The following F8 variants were observed in gnomAD, a reference collection of about 807,000 sequenced individuals.
F8 encodes the protein coagulation factor VIII.
A neutral mutation model predicts 140.6 loss-of-function variants in F8; 12 were observed. The observed-to-expected ratio is 0.09, with a 90% confidence interval of 0.05 to 0.14. The LOEUF (loss-of-function observed/expected upper bound fraction) is 0.14. Ranked by LOEUF, F8 falls within the 10% of genes least tolerant of loss-of-function variation. F8 has a pLI of 1.00. For missense variants in F8, 1,354 were observed against 1,720.7 expected (o/e 0.79, Z 3.77); for synonymous variants, 585 against 614.6 (o/e 0.95, Z 0.71).
intron 13 of F8, among the ~76,000 whole-genome samples, chrX:154,941,686 T>C (rs1402504563): frequency 9.1e-6 from 1 of 109,572 alleles, no homozygotes; most frequent in East Asian, 2.8e-4. Flanking sequence ...TCCACAGAAC[T>C]CTCCACCCCA....
intron 1 of F8, among the ~76,000 whole-genome samples, chrX:155,020,551 A>G (rs1383953736): frequency 2.7e-5 from 3 of 110,413 alleles, no homozygotes; most frequent in Non-Finnish European, 5.6e-5. Flanking sequence ...GGTAAAAGTT[A>G]TAAGAAAGTC....
chrX:154,901,982 C>T, intron 19 of F8, 69 bp downstream of exon 19: 3 of 704,766 alleles, frequency 4.3e-6, no homozygotes, highest in South Asian at 4.3e-5. Flanking sequence ...GCAACCATTC[C>T]AGAAAGGAAG....
intron 6 of F8, among the ~76,000 whole-genome samples, chrX:154,978,351 C>T (rs1213197974): frequency 9.0e-6 from 1 of 111,177 alleles, no homozygotes; most frequent in Non-Finnish European, 1.9e-5. Flanking sequence ...TTTGTGGATA[C>T]ATAGTAGGTG....
At position 154,905,002 on chromosome X, in the gene F8, A is replaced by G; in HGVS notation, c.5395T>C (p.Ser1799Pro). The change falls in exon 16 of 26, where the codon TCT becomes CCT. Residue 1799 changes from serine to proline, a missense_variant. By Grantham distance (74) the Ser-to-Pro change is moderately conservative. Transcript: ENST00000360256. Reference sequence around the variant, plus strand: ...CTAGAATAGAAGGAATAGGGACGAGAGGCCTGATTTCTGAAAGTTACCTGT... The same window carrying G: ...CTAGAATAGAAGGAATAGGGACGAGGGGCCTGATTTCTGAAAGTTACCTGT... Reference protein sequence around the residue: ...NIMVTFRNQASRPYSFYSSLI... With the variant: ...NIMVTFRNQAPRPYSFYSSLI... 1 of 1,203,567 alleles carries G rather than the reference A, an allele frequency of 8.3e-7. No individual in the cohort carries two copies. The highest frequency in any genetic ancestry group is 1.1e-6 in the Non-Finnish European group (1 of 888,707).
intron 14 of F8, among the ~76,000 whole-genome samples, chrX:154,921,629 C>T (rs1232195037): frequency 9.0e-6 from 1 of 111,586 alleles, no homozygotes; most frequent in Non-Finnish European, 1.9e-5. Context: ...GGAACCAACC[C>T]AAATGTCCAT....
chrX:155,022,395 A>G lies in F8; in HGVS notation c.143+15T>C, dbSNP rs1557287570. On this transcript the variant is annotated intron_variant, in intron 1 of 25. Coordinates refer to ENST00000360256, the MANE Select transcript of F8 (RefSeq NM_000132.4). ...AATCCTGGCCCCGATCAGACCCTAC[A>G]GGACATGCCTTTACCTTGCGTCCAC... The G allele has an allele frequency of 8.3e-6, 10 of 1,206,728 alleles. No individual in the cohort carries two copies. The African/African-American group carries it at 1.8e-4, about 21-fold the overall frequency.
At chrX:154,896,871 T>C (rs1469877443) in intron 21 of F8, among the ~76,000 whole-genome samples, 1 of 112,339 alleles carries the variant, frequency 8.9e-6, no homozygotes, top group African/African-American at 3.2e-5. Flanking sequence ...CTTTCCTTAT[T>C]AGACTGAGAT....
chrX:154,944,432 C>T (rs2073290563), intron 13 of F8, among the ~76,000 whole-genome samples: 1 of 111,664 alleles, frequency 9.0e-6, no homozygotes, highest in Middle Eastern at 4.2e-3. Context: ...CTCACCATCA[C>T]TGGCCATCAG....
intron 14 of F8, among the ~76,000 whole-genome samples, chrX:154,923,929 G>A (rs782240162): frequency 1.9e-4 from 21 of 111,205 alleles, no homozygotes; most frequent in Non-Finnish European, 3.6e-4. Flanking sequence ...CCAAGATCAC[G>A]CCACTGACTC....
At chrX:154,998,250 A>T (rs1263637135) in intron 2 of F8, among the ~76,000 whole-genome samples, 1 of 112,740 alleles carries the variant, frequency 8.9e-6, no homozygotes, top group Non-Finnish European at 1.9e-5. Context: ...CTCCAGCTAC[A>T]TTCTGACAGC....
chrX:154,894,107 T>A (rs1202202264), intron 22 of F8, among the ~76,000 whole-genome samples: 1 of 111,598 alleles, frequency 9.0e-6, no homozygotes. Flanking sequence ...AGCCCCCAGG[T>A]TGAGTTGTCC....
intron 13 of F8, among the ~76,000 whole-genome samples, chrX:154,942,032 T>C (rs1461362114): frequency 9.7e-6 from 1 of 103,279 alleles, no homozygotes; most frequent in Admixed American, 1.1e-4. Flanking sequence ...TAGATGGAAA[T>C]TTATAGCACT....
At chrX:154,975,576 A>G (rs2073480793) in intron 6 of F8, among the ~76,000 whole-genome samples, 1 of 112,133 alleles carries the variant, frequency 8.9e-6, no homozygotes, top group Non-Finnish European at 1.9e-5. Context: ...TGTTTGCTCT[A>G]TTTGGTCTAC....
Position 154,969,597 on chromosome X carries a change from C to G in F8, c.788-45G>C, listed in dbSNP as rs782711957. On this transcript the variant is annotated intron_variant, in intron 6 of 25. Coordinates refer to ENST00000360256, the MANE Select transcript of F8 (RefSeq NM_000132.4). ...CACCTATGGCTATGAAGTAGAGAATCTGAAATGGAAAACACTTGCTAGGAC... is the reference window on the plus strand; with the variant it reads ...CACCTATGGCTATGAAGTAGAGAATGTGAAATGGAAAACACTTGCTAGGAC... 5.5e-6 allele frequency: 6 copies of G among 1,096,922 alleles called. No individual in the cohort carries two copies. The Admixed American group carries it at 8.8e-5, about 16-fold the overall frequency. 90.4% of individuals were successfully genotyped at this position (1,096,922 alleles called of 1,213,427 possible). A position where few individuals can be genotyped will look rare whatever the true frequency, so the allele number is the denominator to read the frequency against.
intron 4 of F8, among the ~76,000 whole-genome samples, chrX:154,989,693 T>C (rs968745945): frequency 4.5e-5 from 5 of 112,158 alleles, no homozygotes; most frequent in Admixed American, 1.9e-4. Flanking sequence ...AAACAAACTA[T>C]AGAGTGGGAG....
intron 1 of F8, among the ~76,000 whole-genome samples, chrX:155,004,111 G>A (rs1356296700): frequency 1.8e-5 from 2 of 110,665 alleles, no homozygotes; most frequent in African/African-American, 3.3e-5. Flanking sequence ...ATCCATAGAG[G>A]AGCAAAGATA....
At chrX:154,955,580 G>C (rs2073361025) in intron 11 of F8, among the ~76,000 whole-genome samples, 1 of 110,097 alleles carries the variant, frequency 9.1e-6, no homozygotes, top group Non-Finnish European at 1.9e-5. Flanking sequence ...TAAAGAGAAA[G>C]AGTACAAAAG....
intron 25 of F8, among the ~76,000 whole-genome samples, chrX:154,845,097 T>C (rs1278284637): frequency 8.0e-5 from 9 of 112,132 alleles, no homozygotes; most frequent in Non-Finnish European, 1.7e-4. Flanking sequence ...ATTACGTTTA[T>C]TGATTTTCGT....
chrX:154,879,106 A>G (rs782293886), intron 22 of F8, among the ~76,000 whole-genome samples: 1 of 111,058 alleles, frequency 9.0e-6, no homozygotes, highest in Admixed American at 9.5e-5. Context: ...CAAAATCCCA[A>G]TGGCCATTTT....
Sources: allele counts gnomAD v4.1 joint callset (sites outside exome capture counted in the v4.1 genomes callset), GRCh38; gene constraint gnomAD v4.1.1; transcripts MANE v1.5; gene names NCBI Gene and HGNC (gene_info 2026-07-23, HGNC 2026-07-21).